PNPLA1: variants seen among roughly 807,000 people sequenced by gnomAD.
The protein encoded by PNPLA1 is patatin like domain 1, omega-hydroxyceramide transacylase.
A neutral mutation model predicts 51.7 loss-of-function variants in PNPLA1; 36 were observed. The observed-to-expected ratio is 0.70, with a 90% CI of 0.53 to 0.92. PNPLA1 has a LOEUF of 0.92. Ranked by LOEUF, PNPLA1 falls within the 40% of genes least tolerant of loss-of-function variation. The pLI, the probability that PNPLA1 is intolerant of heterozygous loss-of-function variation, is 0.00. For missense variants in PNPLA1, 658 were observed against 682.5 expected (o/e 0.96, Z 0.40); for synonymous variants, 293 against 280.1 (o/e 1.05, Z -0.46).
chr6:36,282,081 G>GAAAGAAAGAAAGAAAGAAAGAAAGA (rs1770310210), intron 1 of PNPLA1, among the ~76,000 whole-genome samples: 1 of 129,456 alleles, frequency 7.7e-6, no homozygotes, highest in African/African-American at 3.0e-5. Context: ...AAGAAAGAAA[G>GAAAGAAAGAAAGAAAGAAAGAAAGA]AAAGAAAGAA....
rs763997368 is a variant in PNPLA1 at position 36,302,278 on chromosome 6, C to T, written c.1193C>T (p.Pro398Leu). Reference protein sequence around the residue: ...SLPTPPPGLSPLSPQQQVQPS... With the variant: ...SLPTPPPGLSLLSPQQQVQPS... Reference sequence around the variant, plus strand: ...CCCACCCCACCACCTGGACTGTCACCTCTGTCACCTCAGCAGCAGGTACAA... The same window carrying T: ...CCCACCCCACCACCTGGACTGTCACTTCTGTCACCTCAGCAGCAGGTACAA... The change falls in exon 6 of 9, where the codon CCT (proline) becomes CTT (leucine). Residue 398 changes from proline to leucine, a missense_variant. By Grantham distance (98) the Pro-to-Leu change is moderately conservative. Transcript: ENST00000636260. 4 of 1,614,132 alleles carry T rather than the reference C, an allele frequency of 2.5e-6. No homozygotes were observed. Among genetic ancestry groups the T allele is most frequent in the Non-Finnish European group, 2.5e-6 (3 of 1,180,030 alleles).
intron 5 of PNPLA1, among the ~76,000 whole-genome samples, chr6:36,299,641 G>A (rs570375710): frequency 1.3e-5 from 2 of 152,078 alleles, no homozygotes; most frequent in Non-Finnish European, 2.9e-5. Flanking sequence ...GCCAACTTTT[G>A]GTATTTTTAA....
intron 7 of PNPLA1, among the ~76,000 whole-genome samples, chr6:36,306,687 G>C (rs1771248497): frequency 6.6e-6 from 1 of 152,118 alleles, no homozygotes; most frequent in Non-Finnish European, 1.5e-5. Flanking sequence ...TTTACTCTCT[G>C]GTGATGCCAC....
intron 1 of PNPLA1, among the ~76,000 whole-genome samples, chr6:36,271,941 C>T (rs931252626): frequency 1.3e-5 from 2 of 152,174 alleles, no homozygotes; most frequent in Non-Finnish European, 2.9e-5. Context: ...TCTGTTTCTC[C>T]GTCCACAAAT....
chr6:36,247,470 C>T lies in PNPLA1; in HGVS notation c.-81+4209C>T, dbSNP rs192236915. Among the ~76,000 whole-genome samples, 1,274 of 152,316 alleles carry T rather than the reference C, an allele frequency of 8.4e-3. 6 individuals carry two copies. Among genetic ancestry groups the T allele is most frequent in the Non-Finnish European group, 0.013 (915 of 68,022 alleles). On this transcript the variant is annotated intron_variant, in intron 1 of 7. Coordinates refer to the PNPLA1 transcript ENST00000312917. ...TCCCTCCACCAGCATGTTGACCCCA[C>T]GGGGACAGGGGCTATGTCCCTGCTG...
chr6:36,284,934 T>C (rs1770436927), intron 1 of PNPLA1, among the ~76,000 whole-genome samples: 1 of 152,170 alleles, frequency 6.6e-6, no homozygotes, highest in African/African-American at 2.4e-5. Context: ...TCAAGCCAAA[T>C]TGTTTTTCAA....
rs187097018 is a variant in PNPLA1, at chr6:36,255,447, G to A, written c.-81+12186G>A. ...TTGAACCCGGGAGGCAGAGGTTGCAGTGAGCCGAGATCATGCCATTGCACT... is the reference window on the plus strand; with the variant it reads ...TTGAACCCGGGAGGCAGAGGTTGCAATGAGCCGAGATCATGCCATTGCACT... On this transcript the variant is annotated intron_variant, in intron 1 of 7. Coordinates refer to the PNPLA1 transcript ENST00000312917. 3.9e-3 allele frequency among the ~76,000 whole-genome samples: 591 copies of A among 152,380 alleles called. 1 individual carries two copies. Among genetic ancestry groups the A allele is most frequent in the South Asian group, 0.017 (80 of 4,832 alleles).
At chr6:36,303,102 A>AT (rs890338614) in intron 6 of PNPLA1, among the ~76,000 whole-genome samples, 19 of 147,300 alleles carry the variant, frequency 1.3e-4, no homozygotes, top group Admixed American at 4.0e-4. Context: ...CTACAAAGAA[A>AT]TTTTTTTTTT....
intron 1 of PNPLA1, among the ~76,000 whole-genome samples, chr6:36,263,222 A>G (rs1769691464): frequency 1.3e-5 from 2 of 152,242 alleles, no homozygotes; most frequent in Admixed American, 6.5e-5. Context: ...ATCACCGAAG[A>G]CACCATTAAA....
upstream of PNPLA1, among the ~76,000 whole-genome samples, chr6:36,267,220 T>G (rs1769780631): frequency 6.6e-6 from 1 of 152,236 alleles, no homozygotes; most frequent in Non-Finnish European, 1.5e-5. Flanking sequence ...CTCGATGTCA[T>G]TCGCTTGAAG....
chr6:36,291,797 G>A (rs1770693995), intron 2 of PNPLA1, among the ~76,000 whole-genome samples: 3 of 152,162 alleles, frequency 2.0e-5, no homozygotes, highest in South Asian at 4.1e-4. Context: ...CATCCTGCCC[G>A]GCCCCCTGCG....
chr6:36,290,113 C>A (rs1770629113), intron 1 of PNPLA1, among the ~76,000 whole-genome samples: 1 of 152,208 alleles, frequency 6.6e-6, no homozygotes, highest in Non-Finnish European at 1.5e-5. Context: ...CTAGCCTCTG[C>A]CTGGTTACCT....
chr6:36,246,338 G>A (rs1769281582), intron 1 of PNPLA1, among the ~76,000 whole-genome samples: 1 of 151,896 alleles, frequency 6.6e-6, no homozygotes, highest in Non-Finnish European at 1.5e-5. Flanking sequence ...CCAAGTAGTT[G>A]GGATTACAGG....
At chr6:36,246,527 A>G (rs1356654759) in intron 1 of PNPLA1, among the ~76,000 whole-genome samples, 2 of 152,090 alleles carry the variant, frequency 1.3e-5, no homozygotes, top group Admixed American at 1.3e-4. Context: ...AACTCCTCCT[A>G]TCAATCAATT....
At chr6:36,303,382 C>A (rs528431885) in intron 6 of PNPLA1, among the ~76,000 whole-genome samples, 2 of 152,172 alleles carry the variant, frequency 1.3e-5, no homozygotes, top group Admixed American at 6.5e-5. Context: ...CGTGAGCCAC[C>A]GCGCCCAGCC....
Position 36,294,408 on chromosome 6 carries a change from C to A in PNPLA1, c.714+9C>A, listed in dbSNP as rs756577132. On this transcript the variant is annotated intron_variant, in intron 4 of 8. Transcript: ENST00000636260. The surrounding 1 kb of genome is among the most constrained non-coding windows in gnomAD (Gnocchi z 4.2). ...TCCCCCCGGACCTGGTGGTGAGAGG[C>A]AGGAGGGGTCTGGGGAGTAGCAGAA... The A allele has an allele frequency of 1.2e-6, 2 of 1,611,838 alleles. No homozygotes were observed. Among genetic ancestry groups the A allele is most frequent in the African/African-American group, 2.7e-5 (2 of 74,858 alleles).
chr6:36,265,201 C>T (rs1769735512), upstream of PNPLA1, among the ~76,000 whole-genome samples: 1 of 152,074 alleles, frequency 6.6e-6, no homozygotes, highest in Non-Finnish European at 1.5e-5. Flanking sequence ...ATTAGCTGGG[C>T]GTTTTGGCAC....
intron 1 of PNPLA1, among the ~76,000 whole-genome samples, chr6:36,272,620 G>A (rs185911144): frequency 4.1e-4 from 63 of 152,330 alleles, no homozygotes; most frequent in African/African-American, 1.5e-3. Context: ...ACGATGGGCA[G>A]AGTGTGTTTG....
chr6:36,245,777 C>A (rs1769263325), intron 1 of PNPLA1, among the ~76,000 whole-genome samples: 1 of 152,234 alleles, frequency 6.6e-6, no homozygotes, highest in Non-Finnish European at 1.5e-5. Flanking sequence ...TACAGGTAGG[C>A]AAACAGGGGC....
Sources: gnomAD v4.1 joint callset for allele counts (sites outside exome capture counted in the v4.1 genomes callset) on GRCh38, gnomAD v4.1.1 for gene constraint, Gnocchi (gnomAD v3.1) non-coding constraint, MANE v1.5 for transcripts, NCBI Gene and HGNC (gene_info 2026-07-23, HGNC 2026-07-21) for gene names.